The following PCDHGA7 variants were observed in gnomAD, a reference collection of about 807,000 sequenced individuals.
PCDHGA7 encodes protocadherin gamma subfamily A, 7, also known as protocadherin gamma-A7.
PCDHGA7 carries 44 observed loss-of-function variants against 58.3 expected under a neutral mutation model. The ratio of observed to expected loss-of-function variants is 0.75; its 90% CI spans 0.59 to 0.97. PCDHGA7 has a LOEUF of 0.97. Among genes scored for constraint, PCDHGA7 ranks in the 50% least tolerant of loss-of-function variants. PCDHGA7 has a pLI of 0.00. For missense variants in PCDHGA7, 1,266 were observed against 1,188.7 expected (o/e 1.06, Z -0.96); for synonymous variants, 516 against 504.2 (o/e 1.02, Z -0.31).
intron 1 of PCDHGA7, chr5:141,395,296 ATG>A: frequency 6.6e-7 from 1 of 1,524,308 alleles, no homozygotes. Flanking sequence ...GGCATAAATT[ATG>A]TTTTGAAAAA....
chr5:141,494,643 AG>A, intron 1 of PCDHGA7, 163 bp from the exon 2 acceptor site: 1 of 928,048 alleles, frequency 1.1e-6, no homozygotes, highest in Non-Finnish European at 1.3e-6. Flanking sequence ...CTGAGACCTG[AG>A]GTGTATTTTG....
rs767197233 is a variant in PCDHGA7, at chr5:141,418,642, C to T, written c.2424+33319C>T. On this transcript the variant is annotated intron_variant, in intron 1 of 3. Coordinates refer to ENST00000518325, the MANE Select transcript of PCDHGA7 (RefSeq NM_018920.4). ...AAGACGTGCCTCCAGGCACCTCCAT[C>T]CTGAGAGTGAAGGCCACTGACCAGG... The T allele has an allele frequency of 2.3e-5, 37 of 1,614,028 alleles. No individual in the cohort carries two copies. In the South Asian group the frequency reaches 3.6e-4, roughly 16 times the overall value.
rs756706355 is a variant in PCDHGA7 at position 141,486,950 on chromosome 5, G to A, written c.2425-7857G>A. On this transcript the variant is annotated intron_variant, in intron 1 of 3. Transcript: ENST00000518325. This position sits in a 1 kb window ranked among gnomAD's most constrained non-coding sequence, Gnocchi z 5.0. The stretch of plus-strand genomic sequence containing the variant: ...TGGTGCTGGCCACCTAATCACAAAG[G>A]TGACTGCTGTGGACTTGGATTCAGG... 2 of 1,614,202 alleles carry A rather than the reference G, an allele frequency of 1.2e-6. No homozygotes were observed. The highest frequency in any genetic ancestry group is 1.7e-6 in the Non-Finnish European group (2 of 1,180,044).
intron 1 of PCDHGA7, among the ~76,000 whole-genome samples, chr5:141,444,152 ATTTTTTTTTTTT>A (rs747671382): frequency 5.9e-4 from 20 of 33,896 alleles, no homozygotes; most frequent in African/African-American, 1.8e-3. Flanking sequence ...TGTGTACTGG[ATTTTTTTTTTTT>A]TTTTTTTTTT....
At chr5:141,388,412 T>G (rs1381904129) in intron 1 of PCDHGA7, 1 of 1,613,752 alleles carries the variant, frequency 6.2e-7, no homozygotes, top group African/African-American at 1.3e-5. Context: ...GTCCCAGTGA[T>G]CATTTCTCAC....
chr5:141,402,233 AT>A (rs1490030425), intron 1 of PCDHGA7, among the ~76,000 whole-genome samples: 1 of 152,070 alleles, frequency 6.6e-6, no homozygotes, highest in Non-Finnish European at 1.5e-5. Flanking sequence ...TTTTCCAGGA[AT>A]TTTATCATCA....
chr5:141,383,102 CCA>C lies in PCDHGA7; in HGVS notation c.204_205del (p.Gly70Ter), dbSNP rs1253092385. ...GCGGAGCGCGGAGTCCGCATCATCT[CCA>C]GAGGTAGGACGCAGCTTTTCGCCCT... On this transcript the variant is annotated frameshift_variant, in exon 1 of 4. Coordinates refer to ENST00000518325, the MANE Select transcript of PCDHGA7 (RefSeq NM_018920.4). LOFTEE classifies it high-confidence loss of function. 3 of 1,614,004 alleles carry C rather than the reference CCA, an allele frequency of 1.9e-6. No homozygotes were observed. In the South Asian group the frequency reaches 3.3e-5, roughly 18 times the overall value.
chr5:141,509,638 A>G (rs1204228233), intron 3 of PCDHGA7, among the ~76,000 whole-genome samples: 1 of 152,174 alleles, frequency 6.6e-6, no homozygotes, highest in Admixed American at 6.5e-5. Flanking sequence ...ATGCTGAGCC[A>G]GGGCCAGAGT....
chr5:141,477,572 G>T lies in PCDHGA7; in HGVS notation c.2425-17235G>T, dbSNP rs375416133. The T allele has an allele frequency of 6.2e-7, 1 of 1,614,112 alleles. No homozygotes were observed. Among genetic ancestry groups the T allele is most frequent in the South Asian group, 1.1e-5 (1 of 91,072 alleles). ...AAACCTAAGTGTCTGGGACCCCGAC[G>T]CCCCGCAGAATGCTCGGCTTTCTTT... On this transcript the variant is annotated intron_variant, in intron 1 of 3. Transcript: ENST00000518325. The surrounding 1 kb of genome is among the most constrained non-coding windows in gnomAD (Gnocchi z 4.9).
At chr5:141,464,976 A>G (rs2154568682) in intron 1 of PCDHGA7, among the ~76,000 whole-genome samples, 1 of 152,214 alleles carries the variant, frequency 6.6e-6, no homozygotes, top group East Asian at 1.9e-4. Flanking sequence ...TACTGGCTTC[A>G]AGTGATCCTC....
At chr5:141,462,627 A>T (rs1200455153) in intron 1 of PCDHGA7, among the ~76,000 whole-genome samples, 1 of 150,276 alleles carries the variant, frequency 6.7e-6, no homozygotes, top group East Asian at 1.9e-4. Flanking sequence ...TAGAAGTTCC[A>T]TTTGACTCTT....
chr5:141,465,950 A>G (rs570810183), intron 1 of PCDHGA7, among the ~76,000 whole-genome samples: 2 of 152,102 alleles, frequency 1.3e-5, no homozygotes, highest in African/African-American at 4.8e-5. Flanking sequence ...GTGAAACCCC[A>G]TCTCTACTAA....
rs576594507 is a variant in PCDHGA7, at chr5:141,397,831, A to T, written c.2424+12508A>T. On this transcript the variant is annotated intron_variant, in intron 1 of 3. Transcript: ENST00000518325. ...CACAAAAACAATTACTGCACTGGTT[A>T]ACTTGAAGCCGCAGAGGCTGTAGTT... 9.5e-4 allele frequency among the ~76,000 whole-genome samples: 145 copies of T among 152,360 alleles called. 1 individual carries two copies. The highest frequency in any genetic ancestry group is 1.8e-3 in the Non-Finnish European group (124 of 68,036).
At chr5:141,422,907 G>A in intron 1 of PCDHGA7, 1 of 1,614,196 alleles carries the variant, frequency 6.2e-7, no homozygotes, top group Non-Finnish European at 8.5e-7. Context: ...ACGACAATGC[G>A]CCCGAGATCC....
rs1421246315 is a variant in PCDHGA7 at position 141,491,880 on chromosome 5, G to A, written c.2425-2927G>A. The A allele has an allele frequency of 1.1e-5, 16 of 1,449,714 alleles. No homozygotes were observed. The highest frequency in any genetic ancestry group is 1.5e-5 in the Non-Finnish European group (16 of 1,096,892). 89.8% of individuals were successfully genotyped at this position (1,449,714 alleles called of 1,614,324 possible). A position where few individuals can be genotyped will look rare whatever the true frequency, so the allele number is the denominator to read the frequency against. ...GCGAAACCAGAGTGGCCGATTAAGGGATGGGGCTCCGAGCACCGGGGGTGG... is the reference window on the plus strand; with the variant it reads ...GCGAAACCAGAGTGGCCGATTAAGGAATGGGGCTCCGAGCACCGGGGGTGG... On this transcript the variant is annotated intron_variant, in intron 1 of 3. Coordinates refer to ENST00000518325, the MANE Select transcript of PCDHGA7 (RefSeq NM_018920.4). The surrounding 1 kb of genome is among the most constrained non-coding windows in gnomAD (Gnocchi z 6.9).
chr5:141,494,756 A>G (rs780402065), intron 1 of PCDHGA7, 51 bp from the exon 2 acceptor site: 2 of 1,613,460 alleles, frequency 1.2e-6, no homozygotes, highest in South Asian at 1.1e-5. Context: ...CTCGGGTGAC[A>G]TTCTAACTTC....
rs375127524 is a variant in PCDHGA7 at position 141,490,702 on chromosome 5, C to T, written c.2425-4105C>T. ...AGATCCAGACACTGGGGATAATGCC[C>T]GCCTCACCTACTCCATTGTAGGAAA... On this transcript the variant is annotated intron_variant, in intron 1 of 3. Coordinates refer to ENST00000518325, the MANE Select transcript of PCDHGA7 (RefSeq NM_018920.4). The surrounding 1 kb of genome is among the most constrained non-coding windows in gnomAD (Gnocchi z 5.4). 36 of 1,614,060 alleles carry T rather than the reference C, an allele frequency of 2.2e-5. No homozygotes were observed. Among genetic ancestry groups the T allele is most frequent in the South Asian group, 7.7e-5 (7 of 91,090 alleles).
chr5:141,466,016 G>A (rs1592991828), intron 1 of PCDHGA7, among the ~76,000 whole-genome samples: 2 of 152,032 alleles, frequency 1.3e-5, no homozygotes, highest in East Asian at 3.9e-4. Flanking sequence ...CAGCTACTCG[G>A]GAGGGTGAGG....
intron 1 of PCDHGA7, chr5:141,418,595 G>T (rs1331897624): frequency 5.6e-6 from 9 of 1,613,928 alleles, no homozygotes; most frequent in Non-Finnish European, 7.6e-6. Flanking sequence ...CAGCCAGGAC[G>T]TGTACAGGGT....
Sources: gnomAD v4.1 joint callset for allele counts (sites outside exome capture counted in the v4.1 genomes callset) on GRCh38, gnomAD v4.1.1 for gene constraint, Gnocchi (gnomAD v3.1) non-coding constraint, MANE v1.5 for transcripts, NCBI Gene and HGNC (gene_info 2026-07-23, HGNC 2026-07-21) for gene names.